Variants in NRP1 observed in about 807,000 individuals in gnomAD.
NRP1 encodes the protein neuropilin-1.
A neutral mutation model predicts 106.7 loss-of-function variants in NRP1; 35 were observed. The ratio of observed to expected loss-of-function variants is 0.33; its 90% CI spans 0.25 to 0.43. NRP1 has a LOEUF of 0.43. Among genes scored for constraint, NRP1 ranks in the 20% least tolerant of loss-of-function variants. The pLI is 1.00. For missense variants in NRP1, 1,024 were observed against 1,170.4 expected, an observed-to-expected ratio of 0.87 and a Z score of 1.83; for synonymous variants, 437 against 417.9, an observed-to-expected ratio of 1.05 and a Z score of -0.56.
intron 6 of NRP1, among the ~76,000 whole-genome samples, chr10:33,236,956 G>A (rs992770851): frequency 6.6e-6 from 1 of 152,056 alleles, no homozygotes. Flanking sequence ...GAGACGTAGC[G>A]CAATTAAGAC....
chr10:33,197,485 A>G (rs1336749895), intron 12 of NRP1, 165 bp downstream of exon 12: 1 of 481,122 alleles, frequency 2.1e-6, no homozygotes, highest in African/African-American at 2.0e-5. Flanking sequence ...TGCTGCATAT[A>G]CATGTGGATG....
chr10:33,213,331 C>A, intron 9 of NRP1, 55 bp downstream of exon 9: 1 of 1,614,160 alleles, frequency 6.2e-7, no homozygotes, highest in Non-Finnish European at 8.5e-7. Flanking sequence ...GCCAGAGGCC[C>A]TTGATTGAAG....
intron 15 of NRP1, among the ~76,000 whole-genome samples, chr10:33,183,434 C>T (rs898232088): frequency 2.6e-5 from 4 of 151,842 alleles, no homozygotes; most frequent in South Asian, 2.1e-4. Context: ...GAAGTAGATT[C>T]GTACATATGG....
intron 6 of NRP1, among the ~76,000 whole-genome samples, chr10:33,247,986 C>T (rs947477467): frequency 3.3e-5 from 5 of 152,088 alleles, no homozygotes; most frequent in East Asian, 1.9e-4. Context: ...TAAAATAGGA[C>T]GTATATAAAA....
intron 8 of NRP1, among the ~76,000 whole-genome samples, chr10:33,219,797 T>C (rs1198845043): frequency 7.0e-6 from 1 of 143,134 alleles, no homozygotes; most frequent in Non-Finnish European, 1.5e-5. Context: ...TTTGGAGTCT[T>C]TATGAAGTTT....
At chr10:33,192,099 C>T (rs1836457539) in intron 13 of NRP1, among the ~76,000 whole-genome samples, 182 bp downstream of exon 13, 1 of 151,950 alleles carries the variant, frequency 6.6e-6, no homozygotes, top group African/African-American at 2.4e-5. Flanking sequence ...ATGATTTGCC[C>T]TATGCTTCTC....
intron 15 of NRP1, among the ~76,000 whole-genome samples, 198 bp from the exon 16 acceptor site, chr10:33,182,946 G>T (rs1016568151): frequency 6.6e-6 from 1 of 152,024 alleles, no homozygotes; most frequent in South Asian, 2.1e-4. Flanking sequence ...TAAATGACCG[G>T]GAAATTGGTA....
At chr10:33,222,831 C>T (rs1178441707) in intron 7 of NRP1, among the ~76,000 whole-genome samples, 1 of 152,140 alleles carries the variant, frequency 6.6e-6, no homozygotes, top group Non-Finnish European at 1.5e-5. Context: ...TCATTTTATT[C>T]TAAGAAAGAT....
rs1389265905 is a variant in NRP1 at position 33,229,838 on chromosome 10, A to G, written c.982-3549T>C. On this transcript the variant is annotated intron_variant, in intron 6 of 16. Coordinates refer to ENST00000374867, the MANE Select transcript of NRP1 (RefSeq NM_003873.7). ...AAAGAAAGATTTTTTTTTTCTCAACAGCAATGAAATGCATTGGCAACCTCC... is the reference window on the plus strand; with the variant it reads ...AAAGAAAGATTTTTTTTTTCTCAACGGCAATGAAATGCATTGGCAACCTCC... Among the ~76,000 whole-genome samples the G allele has an allele frequency of 2.6e-5, 4 of 152,128 alleles. No homozygotes were observed. In the South Asian group the frequency reaches 6.2e-4, roughly 24 times the overall value.
At chr10:33,224,488 C>A (rs1308082426) in intron 7 of NRP1, among the ~76,000 whole-genome samples, 3 of 151,938 alleles carry the variant, frequency 2.0e-5, no homozygotes, top group African/African-American at 7.3e-5. Context: ...TAATGAAATA[C>A]CAGTTAAGTT....
intron 7 of NRP1, 27 bp downstream of exon 7, chr10:33,226,107 G>A: frequency 6.2e-7 from 1 of 1,610,688 alleles, no homozygotes; most frequent in Non-Finnish European, 8.5e-7. Flanking sequence ...AGACCAAATT[G>A]GTTGCCACGG....
intron 6 of NRP1, among the ~76,000 whole-genome samples, chr10:33,240,106 CA>C (rs1175535040): frequency 6.6e-6 from 1 of 152,074 alleles, no homozygotes; most frequent in Non-Finnish European, 1.5e-5. Flanking sequence ...AGCAGCCTCA[CA>C]AAAAAAGCCT....
At position 33,221,765 on chromosome 10, in the gene NRP1, T is replaced by C. The variant is rs1360542112; in HGVS notation, c.1236A>G (p.Glu412=). 2 of 1,614,058 alleles carry C rather than the reference T, an allele frequency of 1.2e-6. No individual in the cohort carries two copies. The highest frequency in any genetic ancestry group is 1.7e-6 in the Non-Finnish European group (2 of 1,180,004). The change falls in exon 8 of 17, where the codon GAA becomes GAG. Residue 412 remains glutamate, a synonymous_variant. Transcript: ENST00000374867. ...RFVRIKPATW[E]TGISMRFEVY... ...CTTCAAATCTCATAGATATGCCAGT[T>C]TCCCAAGTTGCAGGCTTGATTCGGA...
intron 2 of NRP1, among the ~76,000 whole-genome samples, chr10:33,311,678 A>G (rs1265901417): frequency 2.0e-5 from 3 of 152,224 alleles, no homozygotes; most frequent in East Asian, 1.9e-4. Flanking sequence ...CCAAGAAACA[A>G]TGCTTGGGAA....
At chr10:33,273,258 A>G (rs2096651985) in intron 2 of NRP1, among the ~76,000 whole-genome samples, 1 of 152,194 alleles carries the variant, frequency 6.6e-6, no homozygotes, top group Non-Finnish European at 1.5e-5. Context: ...GTACTATCCA[A>G]CAGGGCCCCA....
intron 6 of NRP1, among the ~76,000 whole-genome samples, chr10:33,242,864 G>T (rs773125963): frequency 2.0e-5 from 3 of 152,134 alleles, no homozygotes. Flanking sequence ...CATACAGCTG[G>T]ATCCCTGGTG....
intron 2 of NRP1, 78 bp downstream of exon 2, chr10:33,330,630 A>G (rs1848210621): frequency 1.6e-6 from 2 of 1,282,434 alleles, no homozygotes; most frequent in Admixed American, 2.3e-5. Context: ...TACATTGTAC[A>G]CACCGACTTC....
intron 2 of NRP1, among the ~76,000 whole-genome samples, chr10:33,320,120 C>T (rs1847384456): frequency 6.6e-6 from 1 of 151,688 alleles, no homozygotes; most frequent in Admixed American, 6.6e-5. Context: ...TGAGACCAGC[C>T]TGACCAACAT....
chr10:33,204,001 A>ATATTAAT (rs368434421), intron 10 of NRP1, among the ~76,000 whole-genome samples: 1 of 85,698 alleles, frequency 1.2e-5, no homozygotes, highest in Non-Finnish European at 2.7e-5. Flanking sequence ...CGGCCTCCCA[A>ATATTAAT]CAAAGACTGC....
Sources: allele counts gnomAD v4.1 joint callset (sites outside exome capture counted in the v4.1 genomes callset), GRCh38; gene constraint gnomAD v4.1.1; transcripts MANE v1.5; gene names NCBI Gene and HGNC (gene_info 2026-07-23, HGNC 2026-07-21).